CLUH: variants seen among roughly 807,000 people sequenced by gnomAD.
The protein encoded by CLUH is clustered mitochondria protein homolog.
In CLUH, 77 loss-of-function variants were observed where a neutral mutation model predicts 139.3. The observed-to-expected ratio is 0.55, with a 90% CI of 0.46 to 0.67. CLUH has a LOEUF of 0.67. Ranked by LOEUF, CLUH falls within the 30% of genes least tolerant of loss-of-function variation. The pLI is 0.00. For synonymous variants in CLUH, 999 were observed against 801.6 expected, an observed-to-expected ratio of 1.25 and a Z score of -4.16; for missense variants, 1,876 against 1,875.8, an observed-to-expected ratio of 1.00 and a Z score of 0.00.
In CLUH at chr17:2,695,204, C is replaced by T. The variant is rs373833233; in HGVS notation, c.2607+14G>A. The T allele has an allele frequency of 1.4e-4, 227 of 1,613,740 alleles. No individual in the cohort carries two copies. Among genetic ancestry groups the T allele is most frequent in the Non-Finnish European group, 1.8e-4 (209 of 1,179,862 alleles). Reference sequence around the variant, plus strand: ...TGGGAGGCCATGGCCAGCCGCAGAGCGGACGGGTGGCACCTGTAAGTACGT... The same window carrying T: ...TGGGAGGCCATGGCCAGCCGCAGAGTGGACGGGTGGCACCTGTAAGTACGT... On this transcript the variant is annotated intron_variant, in intron 15 of 25. Coordinates refer to ENST00000651024, the MANE Select transcript of CLUH (RefSeq NM_001366661.1).
In CLUH at chr17:2,703,016, G is replaced by C. The variant is rs2070236973; in HGVS notation, c.475+302C>G. On this transcript the variant is annotated intron_variant, in intron 3 of 25. Coordinates refer to ENST00000651024, the MANE Select transcript of CLUH (RefSeq NM_001366661.1). This position sits in a 1 kb window ranked among gnomAD's most constrained non-coding sequence, Gnocchi z 4.2. ...ACTTTTTGTATTTTTAGTAGAGATG[G>C]GGTTTCACCATGTTGGCCAGGCAAG... Among the ~76,000 whole-genome samples the C allele has an allele frequency of 6.6e-6, 1 of 152,124 alleles. No individual in the cohort carries two copies. Among genetic ancestry groups the C allele is most frequent in the South Asian group, 2.1e-4 (1 of 4,834 alleles).
At chr17:2,694,822 T>TCCC in intron 16 of CLUH, 35 bp downstream of exon 16, 2 of 1,346,336 alleles carry the variant, frequency 1.5e-6, no homozygotes, top group Non-Finnish European at 2.0e-6. Flanking sequence ...ATCTGCCCAA[T>TCCC]CCCACCCACC....
chr17:2,697,863 C>T, intron 10 of CLUH, 33 bp downstream of exon 10: 2 of 1,448,998 alleles, frequency 1.4e-6, no homozygotes, highest in Non-Finnish European at 1.8e-6. Context: ...CTGCAGCTGG[C>T]CCCGGCCCTG....
rs974193008 is a variant in CLUH, at chr17:2,703,073, G to A, written c.475+245C>T. On this transcript the variant is annotated intron_variant, in intron 3 of 25. Transcript: ENST00000651024. This position sits in a 1 kb window ranked among gnomAD's most constrained non-coding sequence, Gnocchi z 4.2. ...ACTCCTGACCTCAGGTGATCCACAC[G>A]CCTTGGCCTCCCAAAGTGTTGGGAT... Among the ~76,000 whole-genome samples the A allele has an allele frequency of 5.9e-5, 9 of 152,186 alleles. No homozygotes were observed. In the South Asian group the frequency reaches 1.7e-3, roughly 28 times the overall value.
chr17:2,701,642 GAC>G lies in CLUH; in HGVS notation c.713_714del (p.Cys238SerfsTer8). 6.2e-7 allele frequency: 1 copy of G among 1,606,872 alleles called. No individual in the cohort carries two copies. The highest frequency in any genetic ancestry group is 8.5e-7 in the Non-Finnish European group (1 of 1,176,582). On this transcript the variant is annotated frameshift_variant, in exon 5 of 26. Coordinates refer to ENST00000651024, the MANE Select transcript of CLUH (RefSeq NM_001366661.1). LOFTEE classifies it high-confidence loss of function. Reference sequence around the variant, plus strand: ...CAGTCACGGTTTTGGGGCTGCAGGGGACACAGTGGCCGCTCCCGGCTCCCTGG... The same window carrying G: ...CAGTCACGGTTTTGGGGCTGCAGGGGACAGTGGCCGCTCCCGGCTCCCTGG... The part of the protein sequence containing the change: ...ILPGSRERPL[C>X]PLQPQNRDWK...
rs561358629 is a variant in CLUH at position 2,706,942 on chromosome 17, C to T, written c.101-2378G>A. Among the ~76,000 whole-genome samples, 9 of 152,324 alleles carry T rather than the reference C, an allele frequency of 5.9e-5. No individual in the cohort carries two copies. Among genetic ancestry groups the T allele is most frequent in the South Asian group, 2.1e-4 (1 of 4,832 alleles). Reference sequence around the variant, plus strand: ...GAGGGACGACAAGGCAAGGTGGCCGCGGCTCCCACTCTCCTTCCCCAGCCC... The same window carrying T: ...GAGGGACGACAAGGCAAGGTGGCCGTGGCTCCCACTCTCCTTCCCCAGCCC... On this transcript the variant is annotated intron_variant, in intron 1 of 25. Coordinates refer to ENST00000651024, the MANE Select transcript of CLUH (RefSeq NM_001366661.1). The surrounding 1 kb of genome is among the most constrained non-coding windows in gnomAD (Gnocchi z 4.6).
At chr17:2,700,552 T>G (rs1597616787) in intron 8 of CLUH, 78 bp from the exon 9 acceptor site, 3 of 1,554,388 alleles carry the variant, frequency 1.9e-6, no homozygotes, top group Non-Finnish European at 2.6e-6. Context: ...TCCTTCTACC[T>G]TCCTGAGAAG....
chr17:2,704,629 C>A lies in CLUH; in HGVS notation c.101-65G>T. 1 of 1,438,358 alleles carries A rather than the reference C, an allele frequency of 7.0e-7. No homozygotes were observed. The highest frequency in any genetic ancestry group is 9.3e-7 in the Non-Finnish European group (1 of 1,075,054). 89.1% of individuals were successfully genotyped at this position (1,438,358 alleles called of 1,614,324 possible). ...CTGGTCGGCGGGGCTGTCCGCCTGA[C>A]CCCACACGGGGACACGTGCCTTCTG... On this transcript the variant is annotated intron_variant, in intron 1 of 25. Transcript: ENST00000651024. This position sits in a 1 kb window ranked among gnomAD's most constrained non-coding sequence, Gnocchi z 5.7.
At chr17:2,691,134 C>T (rs1178452167) in intron 25 of CLUH, among the ~76,000 whole-genome samples, 1 of 151,968 alleles carries the variant, frequency 6.6e-6, no homozygotes, top group South Asian at 2.1e-4. Flanking sequence ...TCCTCAGCCC[C>T]CCCCCGCCGC....
chr17:2,698,164 G>C lies in CLUH; in HGVS notation c.1693C>G (p.Pro565Ala). The change falls in exon 10 of 26, where the codon CCC becomes GCC. Residue 565 changes from proline (P) to alanine (A), a missense_variant. By Grantham distance (27) the Pro-to-Ala change is conservative (BLOSUM62 -1). Transcript: ENST00000651024. ...ACCTGGTGCCGCAGGATCTTGAGGG[G>C]CCGACTCGTGCGCTCCAGCAGCTCC... The part of the protein sequence containing the change: ...YLELLERTSR[P>A]LKILRHQVLN... The C allele has an allele frequency of 6.4e-7, 1 of 1,574,214 alleles. No individual in the cohort carries two copies. The highest frequency in any genetic ancestry group is 8.6e-7 in the Non-Finnish European group (1 of 1,160,974).
intron 7 of CLUH, 132 bp from the exon 8 acceptor site, chr17:2,700,957 G>A (rs568714537): frequency 7.0e-7 from 1 of 1,423,576 alleles, no homozygotes; most frequent in South Asian, 1.4e-5. Flanking sequence ...CCAGATGGAA[G>A]TGCACGGGCG....
rs1282388732 is a variant in CLUH, at chr17:2,704,369, G to A, written c.296C>T (p.Ser99Phe). The part of the protein sequence containing the change: ...KILAPGIEPF[S>F]LQVSPQEMVQ... ...CCCGTTCCTCCATCTTACCTGCAGG[G>A]AGAAGGGCTCGATCCCAGGGGCGAG... Residue 99 changes from serine to phenylalanine, a missense_variant, in exon 2 of 26, where the codon TCC becomes TTC. Transcript: ENST00000651024. The surrounding 1 kb of genome is among the most constrained non-coding windows in gnomAD (Gnocchi z 5.7). The A allele has an allele frequency of 7.5e-6, 12 of 1,610,400 alleles. No individual in the cohort carries two copies. Among genetic ancestry groups the A allele is most frequent in the Non-Finnish European group, 1.0e-5 (12 of 1,178,482 alleles).
chr17:2,693,737 G>A (rs1237531978), intron 19 of CLUH, among the ~76,000 whole-genome samples, 163 bp downstream of exon 19: 2 of 152,156 alleles, frequency 1.3e-5, no homozygotes, highest in Non-Finnish European at 2.9e-5. Flanking sequence ...GAGCTCTCCC[G>A]CTCGGGACAC....
At position 2,694,549 on chromosome 17, in the gene CLUH, C is replaced by A; in HGVS notation, c.2868G>T (p.Gln956His). The change falls in exon 17 of 26, where the codon CAG becomes CAT. Residue 956 changes from glutamine to histidine, a missense_variant. Around this residue, in one of 3 missense-constraint regions of CLUH, gnomAD observed 1,454 missense variants for 1,384.4 expected, o/e 1.05. Transcript: ENST00000651024. The stretch of plus-strand genomic sequence containing the variant: ...TCTGCAGGCCGTAGGTCTCCACAGC[C>A]TGGTCCACGGTCTCACTGAGGAGGG... ...DFDLECETVD[Q>H]AVETYGLQKI... 1 of 1,579,030 alleles carries A rather than the reference C, an allele frequency of 6.3e-7. No homozygotes were observed. Among genetic ancestry groups the A allele is most frequent in the South Asian group, 1.2e-5 (1 of 85,840 alleles).
At chr17:2,709,809 A>C (rs557042635) in intron 1 of CLUH, among the ~76,000 whole-genome samples, 3 of 152,152 alleles carry the variant, frequency 2.0e-5, no homozygotes, top group Non-Finnish European at 2.9e-5. Context: ...TCCTTCTTTC[A>C]ATAGATCCGG....
In CLUH at chr17:2,704,528, G is replaced by C. The variant is rs1041341826; in HGVS notation, c.137C>G (p.Pro46Arg). The C allele has an allele frequency of 3.8e-6, 6 of 1,579,466 alleles. No homozygotes were observed. The African/African-American group carries it at 4.0e-5, about 11-fold the overall frequency. ...PSVMLLNGDC[P>R]ESLKKEAAAA... The stretch of plus-strand genomic sequence containing the variant: ...CGCCGCCTCCTTCTTCAGGCTCTCT[G>C]GGCAGTCCCCGTTTAAGAGCATGAC... Residue 46 changes from proline (P) to arginine (R), a missense_variant, in exon 2 of 26, where the codon CCA becomes CGA. By Grantham distance (103) the Pro-to-Arg change is moderately radical. Coordinates refer to ENST00000651024, the MANE Select transcript of CLUH (RefSeq NM_001366661.1). This position sits in a 1 kb window ranked among gnomAD's most constrained non-coding sequence, Gnocchi z 5.7.
chr17:2,711,759 G>A lies in CLUH; in HGVS notation c.-98C>T, dbSNP rs2070530372. The A allele has an allele frequency of 2.4e-6, 1 of 410,150 alleles. No individual in the cohort carries two copies. Among genetic ancestry groups the A allele is most frequent in the South Asian group, 1.0e-4 (1 of 9,850 alleles). 25.4% of individuals were successfully genotyped at this position (410,150 alleles called of 1,614,324 possible). A position where few individuals can be genotyped will look rare whatever the true frequency, so the allele number is the denominator to read the frequency against. ...CCGCGGCTGCTGAGGGAAGGACGGA[G>A]TCACCGGCCCACGTGGTGCGCGCCG... On this transcript the variant is annotated 5_prime_UTR_variant, in exon 1 of 26. Transcript: ENST00000651024.
At chr17:2,696,653 G>T in intron 11 of CLUH, 66 bp downstream of exon 11, 1 of 1,576,632 alleles carries the variant, frequency 6.3e-7, no homozygotes. Flanking sequence ...TCTCCCAGGT[G>T]GGGGTCATAA....
chr17:2,699,378 C>T (rs1385801857), intron 9 of CLUH, among the ~76,000 whole-genome samples: 1 of 152,202 alleles, frequency 6.6e-6, no homozygotes, highest in Admixed American at 6.5e-5. Flanking sequence ...GGCTGGAATG[C>T]AGCGGCACGA....
Sources: gnomAD v4.1 joint callset for allele counts (sites outside exome capture counted in the v4.1 genomes callset) on GRCh38, gnomAD v4.1.1 for gene constraint, gnomAD v4.1.1 regional missense constraint, Gnocchi (gnomAD v3.1) non-coding constraint, MANE v1.5 for transcripts, NCBI Gene and HGNC (gene_info 2026-07-23, HGNC 2026-07-21) for gene names.